Variants in LAMB4 observed in about 807,000 individuals in gnomAD.
LAMB4 encodes the protein laminin subunit beta-4.
In LAMB4, 196 loss-of-function variants were observed where a neutral mutation model predicts 199.2. The observed-to-expected ratio is 0.98, with a 90% CI of 0.88 to 1.11. LAMB4 has a LOEUF of 1.11. LAMB4 is among the 50% of genes least tolerant of loss of function. The pLI, the probability that LAMB4 is intolerant of heterozygous loss-of-function variation, is 0.00. For synonymous variants in LAMB4, 744 were observed against 770.6 expected, an observed-to-expected ratio of 0.97 and a Z score of 0.57; for missense variants, 2,080 against 2,171.2, an observed-to-expected ratio of 0.96 and a Z score of 0.83.
At chr7:108,071,323 G>A (rs2036527307) in intron 17 of LAMB4, among the ~76,000 whole-genome samples, 1 of 151,382 alleles carries the variant, frequency 6.6e-6, no homozygotes, top group Non-Finnish European at 1.5e-5. Flanking sequence ...AAATGTTAGA[G>A]TTCCTCAGGG....
intron 14 of LAMB4, among the ~76,000 whole-genome samples, chr7:108,086,853 T>G (rs552872004): frequency 1.3e-4 from 20 of 152,156 alleles, no homozygotes; most frequent in Non-Finnish European, 2.6e-4. Context: ...TTCCCGGATG[T>G]GGTATCTCCC....
At chr7:108,066,763 A>G (rs1309860817) in intron 19 of LAMB4, among the ~76,000 whole-genome samples, 163 bp from the exon 20 acceptor site, 2 of 152,144 alleles carry the variant, frequency 1.3e-5, no homozygotes, top group African/African-American at 4.8e-5. Flanking sequence ...GTAAACGTTA[A>G]ATAACAATTC....
chr7:108,095,096 A>C lies in LAMB4; in HGVS notation c.1470+132T>G, dbSNP rs148127362. ...TAGTGTTTGCTGATTTCTGTAGTGT[A>C]AATACTCATACCACTGGAGTATTAA... On this transcript the variant is annotated intron_variant, in intron 12 of 33. Transcript: ENST00000388781. The C allele has an allele frequency of 1.2e-4, 77 of 652,676 alleles. No homozygotes were observed. In the East Asian group the frequency reaches 1.8e-3, roughly 15 times the overall value. 40.4% of individuals were successfully genotyped at this position (652,676 alleles called of 1,614,324 possible).
intron 14 of LAMB4, among the ~76,000 whole-genome samples, chr7:108,080,804 G>A (rs1245416598): frequency 6.6e-6 from 1 of 151,060 alleles, no homozygotes; most frequent in African/African-American, 2.4e-5. Flanking sequence ...AATATACAAT[G>A]TTTTTCAAAC....
chr7:108,079,989 T>A (rs894943875), intron 14 of LAMB4, among the ~76,000 whole-genome samples: 8 of 152,206 alleles, frequency 5.3e-5, no homozygotes, highest in African/African-American at 1.9e-4. Context: ...TTGGAACATA[T>A]GTTACTGTAT....
rs1422687922 is a variant in LAMB4 at position 108,092,379 on chromosome 7, C to A, written c.1508G>T (p.Cys503Phe). 1.2e-6 allele frequency: 2 copies of A among 1,613,980 alleles called. No homozygotes were observed. Among genetic ancestry groups the A allele is most frequent in the East Asian group, 4.5e-5 (2 of 44,876 alleles). ...YWGLGNHLHGCSPCDCDIGGA... is the reference protein window; with the variant it reads ...YWGLGNHLHGFSPCDCDIGGA... ...TCCAATATCACAGTCACAGGGAGAA[C>A]ACCCATGGAGATGATTTCCCAGGCC... Residue 503 changes from cysteine to phenylalanine, a missense_variant, in exon 13 of 34, where the codon TGT becomes TTT. Cys to Phe is a radical substitution (Grantham distance 205). Transcript: ENST00000388781.
intron 14 of LAMB4, among the ~76,000 whole-genome samples, chr7:108,089,623 G>A (rs1207023436): frequency 6.6e-6 from 1 of 152,190 alleles, no homozygotes. Context: ...GCTCAGCTTT[G>A]TGTGCACATT....
chr7:108,062,667 C>T (rs1563057337), intron 23 of LAMB4, 107 bp downstream of exon 23: 2 of 582,102 alleles, frequency 3.4e-6, no homozygotes. Flanking sequence ...TGTTTCAATG[C>T]ACTAATTAAC....
the LAMB4 span, among the ~76,000 whole-genome samples, chr7:108,012,246 A>T: frequency 5.9e-5 from 9 of 152,164 alleles, no homozygotes; most frequent in Non-Finnish European, 1.3e-4. Flanking sequence ...CTATTTCTAT[A>T]AACAAAATAT....
intron 2 of LAMB4, among the ~76,000 whole-genome samples, chr7:108,116,398 T>G (rs1446461787): frequency 6.6e-6 from 1 of 152,152 alleles, no homozygotes; most frequent in African/African-American, 2.4e-5. Flanking sequence ...AGATTTGGAT[T>G]AAAAATAAAT....
chr7:108,067,456 C>G (rs2036381733), intron 19 of LAMB4, among the ~76,000 whole-genome samples: 1 of 152,204 alleles, frequency 6.6e-6, no homozygotes, highest in South Asian at 2.1e-4. Flanking sequence ...ACATATTAGC[C>G]ATGAGAGCTG....
chr7:108,031,042 G>T (rs1037838144), intron 31 of LAMB4, 63 bp from the exon 32 acceptor site: 20 of 1,455,272 alleles, frequency 1.4e-5, no homozygotes, highest in Non-Finnish European at 1.7e-5. Flanking sequence ...GAAGATAAAC[G>T]ATATATTAAC....
At chr7:108,013,663 C>T in the LAMB4 span, among the ~76,000 whole-genome samples, 1 of 152,008 alleles carries the variant, frequency 6.6e-6, no homozygotes, top group African/African-American at 2.4e-5. Context: ...TAAAATTGCC[C>T]CATTCTGGAG....
Position 108,066,465 on chromosome 7 carries a change from T to A in LAMB4, c.2582A>T (p.His861Leu), listed in dbSNP as rs780216522. 7.4e-6 allele frequency: 12 copies of A among 1,614,046 alleles called. No individual in the cohort carries two copies. The highest frequency in any genetic ancestry group is 9.3e-6 in the Non-Finnish European group (11 of 1,180,036). The change falls in exon 20 of 34, where the codon CAC becomes CTC. Residue 861 changes from histidine (H) to leucine (L), a missense_variant. Transcript: ENST00000388781. ...LAGYFGFPSCHPCPCNRFAEL... is the reference protein window; with the variant it reads ...LAGYFGFPSCLPCPCNRFAEL... ...AGCAAACCTATTACAAGGGCAAGGG[T>A]GGCAGCTGGGAAATCCAAAGTAGCC...
intron 6 of LAMB4, among the ~76,000 whole-genome samples, chr7:108,106,876 A>C (rs543053199): frequency 6.6e-6 from 1 of 152,134 alleles, no homozygotes; most frequent in South Asian, 2.1e-4. Flanking sequence ...CGTGAAATGC[A>C]CTCTTACAGA....
At chr7:108,035,938 C>T (rs951527349) in intron 30 of LAMB4, among the ~76,000 whole-genome samples, 14 of 151,676 alleles carry the variant, frequency 9.2e-5, no homozygotes, top group African/African-American at 2.9e-4. Flanking sequence ...ACTGCAGCCT[C>T]TGCCTCCCAG....
chr7:108,084,603 G>A (rs2037092197), intron 14 of LAMB4, among the ~76,000 whole-genome samples: 1 of 152,046 alleles, frequency 6.6e-6, no homozygotes, highest in African/African-American at 2.4e-5. Flanking sequence ...GAATTCTGGT[G>A]GACCTACTAT....
At chr7:108,092,553 G>A in intron 12 of LAMB4, 137 bp from the exon 13 acceptor site, 1 of 684,086 alleles carries the variant, frequency 1.5e-6, no homozygotes, top group Non-Finnish European at 2.6e-6. Flanking sequence ...AAACCTTCCT[G>A]GCCTATGCGC....
chr7:108,012,880 C>T, the LAMB4 span, among the ~76,000 whole-genome samples: 1 of 152,210 alleles, frequency 6.6e-6, no homozygotes, highest in Non-Finnish European at 1.5e-5. Context: ...ATGCCTTCTC[C>T]TTCTCTGCCA....
Sources: gnomAD v4.1 joint callset for allele counts (sites outside exome capture counted in the v4.1 genomes callset) on GRCh38, gnomAD v4.1.1 for gene constraint, MANE v1.5 for transcripts, NCBI Gene and HGNC (gene_info 2026-07-23, HGNC 2026-07-21) for gene names.